The following NHSL3 variants were observed in gnomAD, a reference collection of about 807,000 sequenced individuals.
NHSL3 encodes the protein NHS-like protein 3.
chr1:32,772,547 C>G, the NHSL3 span: 2 of 1,442,008 alleles, frequency 1.4e-6, no homozygotes, highest in African/African-American at 2.9e-5. Flanking sequence ...CTTTTCTGGT[C>G]TGAGAATGCC....
chr1:32,744,752 G>C, the NHSL3 span, among the ~76,000 whole-genome samples: 1 of 152,170 alleles, frequency 6.6e-6, no homozygotes, highest in Admixed American at 6.5e-5. Flanking sequence ...GGAAGAAAGG[G>C]GGAATCCTCT....
At chr1:32,758,595 G>T in the NHSL3 span, among the ~76,000 whole-genome samples, 1 of 151,958 alleles carries the variant, frequency 6.6e-6, no homozygotes, top group African/African-American at 2.4e-5. Flanking sequence ...GGCTGGTCCA[G>T]CTCTCTCTGA....
the NHSL3 span, among the ~76,000 whole-genome samples, chr1:32,752,974 T>G: frequency 1.9e-5 from 2 of 105,932 alleles, no homozygotes; most frequent in African/African-American, 6.3e-5. Context: ...TATATTTTGG[T>G]TTTTTTTTTT....
At chr1:32,765,684 T>G in the NHSL3 span, 1 of 1,538,978 alleles carries the variant, frequency 6.5e-7, no homozygotes, top group Non-Finnish European at 8.7e-7. Flanking sequence ...ATCCCCATAG[T>G]GCTGGGTTAC....
At chr1:32,749,085 G>A in the NHSL3 span, among the ~76,000 whole-genome samples, 3 of 152,120 alleles carry the variant, frequency 2.0e-5, no homozygotes, top group South Asian at 2.1e-4. Context: ...CGCTGAACAA[G>A]TAATTAAGGG....
At chr1:32,746,002 G>A in the NHSL3 span, among the ~76,000 whole-genome samples, 1 of 151,850 alleles carries the variant, frequency 6.6e-6, no homozygotes, top group Non-Finnish European at 1.5e-5. Context: ...AGGCTGAGGC[G>A]GGCGGATCAC....
At chr1:32,742,906 G>A in the NHSL3 span, among the ~76,000 whole-genome samples, 21 of 152,360 alleles carry the variant, frequency 1.4e-4, no homozygotes, top group African/African-American at 5.1e-4. Flanking sequence ...CCCAAGCTCA[G>A]TGGAGAGGCT....
At chr1:32,765,672 G>A in the NHSL3 span, 4 of 1,536,138 alleles carry the variant, frequency 2.6e-6, no homozygotes, top group Non-Finnish European at 3.5e-6. Flanking sequence ...GGGAGGGCTC[G>A]CATCCCCATA....
chr1:32,754,923 TC>T, the NHSL3 span, among the ~76,000 whole-genome samples: 6 of 91,792 alleles, frequency 6.5e-5, no homozygotes, highest in Admixed American at 1.8e-4. Flanking sequence ...TCTCCCCGCC[TC>T]CCCCCCTCCC....
chr1:32,763,127 C>T, the NHSL3 span, among the ~76,000 whole-genome samples: 3 of 151,806 alleles, frequency 2.0e-5, no homozygotes, highest in Non-Finnish European at 4.4e-5. Context: ...ACTACAGGTA[C>T]ACACCACCAC....
At chr1:32,771,648 T>C in the NHSL3 span, 13 of 1,611,996 alleles carry the variant, frequency 8.1e-6, no homozygotes, top group East Asian at 2.9e-4. Context: ...CCTCAGCTAC[T>C]GCTTTGCAGA....
At chr1:32,765,792 G>A in the NHSL3 span, 3 of 1,547,718 alleles carry the variant, frequency 1.9e-6, no homozygotes, top group South Asian at 1.2e-5. Flanking sequence ...GTTGGCCGCC[G>A]CCTCCCGGCG....
At chr1:32,770,121 C>A in the NHSL3 span, 1 of 1,559,028 alleles carries the variant, frequency 6.4e-7, no homozygotes, top group South Asian at 1.2e-5. This position sits in a 1 kb window ranked among gnomAD's most constrained non-coding sequence, Gnocchi z 8.3. Context: ...GTACCCGGGC[C>A]CCACCATTGA....
At chr1:32,767,940 G>C in the NHSL3 span, 5 of 1,613,634 alleles carry the variant, frequency 3.1e-6, no homozygotes, top group Non-Finnish European at 4.2e-6. Context: ...GAGGGGCTCC[G>C]CTCCCTACAA....
the NHSL3 span, chr1:32,741,987 G>GGACGAGGA: frequency 8.4e-7 from 1 of 1,185,890 alleles, no homozygotes; most frequent in African/African-American, 1.6e-5. This position sits in a 1 kb window ranked among gnomAD's most constrained non-coding sequence, Gnocchi z 4.3. Flanking sequence ...CCGCACCTGC[G>GGACGAGGA]GCCGAGGAGC....
chr1:32,755,616 T>C, the NHSL3 span, among the ~76,000 whole-genome samples: 1 of 152,288 alleles, frequency 6.6e-6, no homozygotes, highest in African/African-American at 2.4e-5. Context: ...CTGTTCTGGC[T>C]AGCCATTTCA....
chr1:32,768,246 T>C, the NHSL3 span: 1 of 747,348 alleles, frequency 1.3e-6, no homozygotes, highest in Non-Finnish European at 2.3e-6. Flanking sequence ...CCCTGAGGGC[T>C]AGTTCAGGGT....
chr1:32,771,613 G>C, the NHSL3 span: 1 of 1,613,150 alleles, frequency 6.2e-7, no homozygotes, highest in South Asian at 1.1e-5. Flanking sequence ...CCCAGAGCTT[G>C]TCAGCTCCCC....
At chr1:32,753,827 C>T in the NHSL3 span, among the ~76,000 whole-genome samples, 5 of 152,202 alleles carry the variant, frequency 3.3e-5, no homozygotes, top group Non-Finnish European at 7.4e-5. Context: ...TTCCCCTGTG[C>T]GCCCTAGGCT....
Sources: gnomAD v4.1 joint callset for allele counts (sites outside exome capture counted in the v4.1 genomes callset) on GRCh38, gnomAD v4.1.1 for gene constraint, Gnocchi (gnomAD v3.1) non-coding constraint, MANE v1.5 for transcripts, NCBI Gene and HGNC (gene_info 2026-07-23, HGNC 2026-07-21) for gene names.